Variants in ITGA9 observed in about 807,000 individuals in gnomAD.
ITGA9 encodes integrin subunit alpha 9.
A neutral mutation model predicts 127.8 loss-of-function variants in ITGA9; 56 were observed. The observed-to-expected ratio is 0.44, with a 90% CI of 0.35 to 0.55. The LOEUF (loss-of-function observed/expected upper bound fraction) is 0.55, where lower values mean the gene tolerates loss of function less well. Among genes scored for constraint, ITGA9 ranks in the 20% least tolerant of loss-of-function variants. ITGA9 has a pLI of 0.00. For missense variants in ITGA9, 1,196 were observed against 1,347.1 expected (o/e 0.89, Z 1.76); for synonymous variants, 508 against 514.5 (o/e 0.99, Z 0.17).
chr3:37,753,940 G>A (rs1696620464), intron 23 of ITGA9: 2 of 152,108 alleles, frequency 1.3e-5, no homozygotes, highest in South Asian at 4.1e-4. Flanking sequence ...TGATTTCCAG[G>A]AATAAAATGA....
chr3:37,618,656 C>A (rs188383542), intron 15 of ITGA9, among the ~76,000 whole-genome samples: 37 of 152,352 alleles, frequency 2.4e-4, no homozygotes, highest in Admixed American at 2.4e-3. Context: ...CAAGCCTTGG[C>A]GATGGTGGGC....
At chr3:37,537,656 G>T (rs1699223038) in intron 14 of ITGA9, among the ~76,000 whole-genome samples, 1 of 152,182 alleles carries the variant, frequency 6.6e-6, no homozygotes, top group Non-Finnish European at 1.5e-5. Flanking sequence ...CATGGAGCTG[G>T]CATTCTAGTG....
At chr3:37,793,222 C>T (rs1431085757) in intron 26 of ITGA9, among the ~76,000 whole-genome samples, 1 of 151,874 alleles carries the variant, frequency 6.6e-6, no homozygotes, top group Non-Finnish European at 1.5e-5. Flanking sequence ...CTTCCATACC[C>T]CCTCACTGGA....
Position 37,533,347 on chromosome 3 carries a change from C to G in ITGA9, c.1407C>G (p.Ile469Met), listed in dbSNP as rs774482781. Residue 469 changes from isoleucine to methionine, a missense_variant, in exon 14 of 28, where the codon ATC becomes ATG. By Grantham distance (10) the Ile-to-Met change is conservative. Coordinates refer to ENST00000264741, the MANE Select transcript of ITGA9 (RefSeq NM_002207.3). ...CTGTCATTACGGTGGATGTCTCCATCTTCCTCCCGGGCTCCATCAACATCA... is the reference window on the plus strand; with the variant it reads ...CTGTCATTACGGTGGATGTCTCCATGTTCCTCCCGGGCTCCATCAACATCA... ...ARPVITVDVS[I>M]FLPGSINITA... 6.2e-7 allele frequency: 1 copy of G among 1,614,230 alleles called. No homozygotes were observed. The highest frequency in any genetic ancestry group is 1.1e-5 in the South Asian group (1 of 91,082).
chr3:37,628,034 G>A (rs1389042971), intron 15 of ITGA9, among the ~76,000 whole-genome samples: 2 of 152,128 alleles, frequency 1.3e-5, no homozygotes, highest in African/African-American at 4.8e-5. Context: ...TTTGAACACA[G>A]TGCTACTCTG....
intron 16 of ITGA9, among the ~76,000 whole-genome samples, chr3:37,643,166 A>G (rs988201823): frequency 6.6e-6 from 1 of 152,088 alleles, no homozygotes; most frequent in African/African-American, 2.4e-5. Flanking sequence ...GCAGGAGGGG[A>G]AAGGGGTGTT....
At chr3:37,553,874 G>T (rs1009410787) in intron 15 of ITGA9, among the ~76,000 whole-genome samples, 2 of 152,190 alleles carry the variant, frequency 1.3e-5, no homozygotes, top group Non-Finnish European at 2.9e-5. Context: ...CACTCAGCTT[G>T]CAGGAATTGA....
chr3:37,658,761 A>G (rs1030667867), intron 17 of ITGA9, among the ~76,000 whole-genome samples: 1 of 152,188 alleles, frequency 6.6e-6, no homozygotes, highest in African/African-American at 2.4e-5. Context: ...CCATTAATTG[A>G]TGCAGCTTCT....
At chr3:37,729,393 G>A (rs894973173) in intron 18 of ITGA9, among the ~76,000 whole-genome samples, 6 of 152,064 alleles carry the variant, frequency 3.9e-5, no homozygotes, top group African/African-American at 1.2e-4. Context: ...GATGTCTTTG[G>A]TTTACTCTTT....
At chr3:37,815,567 C>A (rs1396107756) in intron 27 of ITGA9, among the ~76,000 whole-genome samples, 1 of 151,542 alleles carries the variant, frequency 6.6e-6, no homozygotes, top group African/African-American at 2.4e-5. Flanking sequence ...CGAGATGGCG[C>A]CATTGCACTC....
intron 15 of ITGA9, among the ~76,000 whole-genome samples, chr3:37,620,821 C>T (rs1384638944): frequency 6.6e-6 from 1 of 152,238 alleles, no homozygotes; most frequent in Non-Finnish European, 1.5e-5. Flanking sequence ...AGAAGCTATT[C>T]TTCCCTCATT....
rs562459308 is a variant in ITGA9, at chr3:37,485,582, G to A, written c.544+3975G>A. 9.9e-5 allele frequency among the ~76,000 whole-genome samples: 15 copies of A among 152,272 alleles called. 1 individual carries two copies. The South Asian group carries it at 2.7e-3, about 27-fold the overall frequency. On this transcript the variant is annotated intron_variant, in intron 4 of 27. Coordinates refer to ENST00000264741, the MANE Select transcript of ITGA9 (RefSeq NM_002207.3). ...CATTGTTCTATAACTGTGGCCTCAT[G>A]GTAAGTCTCCATATGGGCCAGCTGT...
At position 37,785,010 on chromosome 3, in the gene ITGA9, G is replaced by A. The variant is rs755723352; in HGVS notation, c.2821G>A (p.Ala941Thr). Residue 941 changes from alanine (A) to threonine (T), a missense_variant, in exon 26 of 28, where the codon GCC becomes ACC. By Grantham distance (58) the Ala-to-Thr change is moderately conservative. Coordinates refer to ENST00000264741, the MANE Select transcript of ITGA9 (RefSeq NM_002207.3). Reference protein sequence around the residue: ...SSSVIQFMSRAKVKVDPALRV... With the variant: ...SSSVIQFMSRTKVKVDPALRV... ...GTCTGTCATCCAGTTCATGTCCCGCGCCAAGGTGAAGGTGGATCCTGCCCT... is the reference window on the plus strand; with the variant it reads ...GTCTGTCATCCAGTTCATGTCCCGCACCAAGGTGAAGGTGGATCCTGCCCT... 2.0e-5 allele frequency: 33 copies of A among 1,613,956 alleles called. No individual in the cohort carries two copies. The highest frequency in any genetic ancestry group is 2.0e-4 in the African/African-American group (15 of 74,922).
chr3:37,693,750 T>C (rs1347356305), intron 18 of ITGA9, among the ~76,000 whole-genome samples: 2 of 152,190 alleles, frequency 1.3e-5, no homozygotes, highest in Non-Finnish European at 2.9e-5. Context: ...AAACCAAGCA[T>C]TGAGCAACAG....
chr3:37,456,149 CTG>C (rs1467936240), intron 1 of ITGA9, among the ~76,000 whole-genome samples: 1 of 152,198 alleles, frequency 6.6e-6, no homozygotes, highest in Non-Finnish European at 1.5e-5. Flanking sequence ...CCCGCTGTCA[CTG>C]TGCTCTGGGC....
chr3:37,453,219 C>G (rs1311441623), intron 1 of ITGA9, among the ~76,000 whole-genome samples: 2 of 152,068 alleles, frequency 1.3e-5, no homozygotes, highest in African/African-American at 4.8e-5. Context: ...CCCAGTGACA[C>G]CGCCGGTGGG....
chr3:37,638,056 A>G (rs10510696), intron 16 of ITGA9, among the ~76,000 whole-genome samples: 24,923 of 152,186 alleles, frequency 0.16, 2,261 homozygotes, highest in East Asian at 0.23. Flanking sequence ...AGTTAAACTA[A>G]TAATTTGCCC....
In ITGA9 at chr3:37,783,686, A is replaced by G. The variant is rs138080653; in HGVS notation, c.2788-1291A>G. Among the ~76,000 whole-genome samples the G allele has an allele frequency of 4.9e-4, 75 of 152,356 alleles. No homozygotes were observed. The East Asian group carries it at 9.8e-3, about 20-fold the overall frequency. ...TTGAAAATACAGCATATCCTGATAC[A>G]TAAAACCCCAACTTTATAAAACTGT... is the stretch of plus-strand genomic sequence containing the variant. On this transcript the variant is annotated intron_variant, in intron 25 of 27. Coordinates refer to ENST00000264741, the MANE Select transcript of ITGA9 (RefSeq NM_002207.3).
At position 37,683,917 on chromosome 3, in the gene ITGA9, C is replaced by A; in HGVS notation, c.1969C>A (p.Leu657Ile). The part of the protein sequence containing the change: ...LALGAVKNIS[L>I]NISISNLGDD... Reference sequence around the variant, plus strand: ...TTTGGGGGCTGTGAAGAACATCTCCCTAAACATCTCTATCTCCAACCTCGG... The same window carrying A: ...TTTGGGGGCTGTGAAGAACATCTCCATAAACATCTCTATCTCCAACCTCGG... The change falls in exon 18 of 28, where the codon CTA (leucine) becomes ATA (isoleucine). Residue 657 changes from leucine to isoleucine, a missense_variant. Transcript: ENST00000264741. The A allele has an allele frequency of 6.2e-7, 1 of 1,614,090 alleles. No individual in the cohort carries two copies. The highest frequency in any genetic ancestry group is 8.5e-7 in the Non-Finnish European group (1 of 1,179,970).
Sources: gnomAD v4.1 joint callset for allele counts (sites outside exome capture counted in the v4.1 genomes callset) on GRCh38, gnomAD v4.1.1 for gene constraint, MANE v1.5 for transcripts, NCBI Gene and HGNC (gene_info 2026-07-23, HGNC 2026-07-21) for gene names.